The following GARIN1A variants were observed in gnomAD, a reference collection of about 807,000 sequenced individuals.
GARIN1A encodes golgi associated RAB2 interactor 1A, also known as Golgi-associated RAB2 interactor protein 1A.
At chr7:128,692,124 C>T in the GARIN1A span, among the ~76,000 whole-genome samples, 10 of 152,150 alleles carry the variant, frequency 6.6e-5, no homozygotes, top group Non-Finnish European at 1.5e-5. Context: ...CCAATAAATT[C>T]CCTTCGGCTT....
At chr7:128,676,772 T>G in the GARIN1A span, among the ~76,000 whole-genome samples, 3 of 151,910 alleles carry the variant, frequency 2.0e-5, no homozygotes, top group African/African-American at 4.8e-5. Context: ...TCCTAGAAAC[T>G]GAGTCAGGAA....
chr7:128,699,259 T>TC, the GARIN1A span, among the ~76,000 whole-genome samples: 2 of 37,114 alleles, frequency 5.4e-5, no homozygotes, highest in Admixed American at 2.2e-4. Flanking sequence ...CCATACCTGC[T>TC]GCCCCCCCCC....
chr7:128,683,254 A>C, the GARIN1A span: 1 of 948,856 alleles, frequency 1.1e-6, no homozygotes, highest in South Asian at 2.0e-5. Flanking sequence ...ACCTTGGGAG[A>C]GGTAAGATGG....
At chr7:128,686,876 A>G in the GARIN1A span, 2 of 127,720 alleles carry the variant, frequency 1.6e-5, no homozygotes, top group African/African-American at 5.4e-5. Flanking sequence ...ATTCCATCTC[A>G]AAAAAAAAAA....
At chr7:128,677,877 C>T in the GARIN1A span, 11 of 1,364,278 alleles carry the variant, frequency 8.1e-6, no homozygotes, top group Non-Finnish European at 5.0e-6. Flanking sequence ...ATGTAAGTGT[C>T]TGTGTATATA....
At chr7:128,708,006 T>G in the GARIN1A span, among the ~76,000 whole-genome samples, 1 of 150,004 alleles carries the variant, frequency 6.7e-6, no homozygotes, top group Non-Finnish European at 1.5e-5. Context: ...TTTCTCTCCT[T>G]CTTTTCTTTT....
chr7:128,708,233 C>G, the GARIN1A span, among the ~76,000 whole-genome samples: 1 of 150,732 alleles, frequency 6.6e-6, no homozygotes, highest in Non-Finnish European at 1.5e-5. Context: ...CACTATGTTG[C>G]CCAGGCTGAT....
At chr7:128,698,788 T>TG in the GARIN1A span, among the ~76,000 whole-genome samples, 2 of 152,114 alleles carry the variant, frequency 1.3e-5, no homozygotes, top group African/African-American at 4.8e-5. Flanking sequence ...TTTGCTGTGT[T>TG]GGGGGGCAGG....
At chr7:128,690,874 A>G in the GARIN1A span, 1 of 152,336 alleles carries the variant, frequency 6.6e-6, no homozygotes, top group East Asian at 1.9e-4. Flanking sequence ...TTACTGGAGC[A>G]GGAGAGAGGA....
At chr7:128,693,898 G>A in the GARIN1A span, 17 of 154,944 alleles carry the variant, frequency 1.1e-4, no homozygotes, top group Middle Eastern at 3.1e-3. Context: ...ATCATACAAC[G>A]GGGAGTGCAA....
chr7:128,681,851 C>A, the GARIN1A span, among the ~76,000 whole-genome samples: 1 of 151,020 alleles, frequency 6.6e-6, no homozygotes, highest in Non-Finnish European at 1.5e-5. Flanking sequence ...CCCTCAACTG[C>A]AACACCTCCC....
the GARIN1A span, among the ~76,000 whole-genome samples, chr7:128,676,569 C>G: frequency 6.6e-6 from 1 of 151,030 alleles, no homozygotes; most frequent in Non-Finnish European, 1.5e-5. Context: ...TTGACAAGTC[C>G]CTAATATTAG....
the GARIN1A span, among the ~76,000 whole-genome samples, chr7:128,699,260 G>GCCCCCCCCC: frequency 1.9e-5 from 2 of 105,018 alleles, no homozygotes. Context: ...CATACCTGCT[G>GCCCCCCCCC]CCCCCCCCCC....
the GARIN1A span, chr7:128,683,075 C>T: frequency 6.2e-7 from 1 of 1,612,134 alleles, no homozygotes; most frequent in South Asian, 1.1e-5. Context: ...TGAGCCACAG[C>T]CTCTGGGAAC....
the GARIN1A span, among the ~76,000 whole-genome samples, chr7:128,705,959 A>G: frequency 6.6e-6 from 1 of 152,024 alleles, no homozygotes; most frequent in Non-Finnish European, 1.5e-5. Flanking sequence ...CCTGCCAAAT[A>G]GTGATTTTCT....
chr7:128,709,022 G>A, the GARIN1A span: 17 of 152,162 alleles, frequency 1.1e-4, no homozygotes, highest in African/African-American at 3.9e-4. Context: ...GCCATTTTCA[G>A]GTCATAGCCT....
At chr7:128,695,318 G>C in the GARIN1A span, among the ~76,000 whole-genome samples, 1 of 152,118 alleles carries the variant, frequency 6.6e-6, no homozygotes, top group Non-Finnish European at 1.5e-5. This position sits in a 1 kb window ranked among gnomAD's most constrained non-coding sequence, Gnocchi z 4.5. Flanking sequence ...GGAAATCAAG[G>C]AGGACTGGGT....
the GARIN1A span, among the ~76,000 whole-genome samples, chr7:128,678,816 G>A: frequency 5.9e-3 from 480 of 81,092 alleles, 10 homozygotes; most frequent in East Asian, 6.6e-3. Context: ...AAAAAAAAAA[G>A]ATTAGTATGT....
At chr7:128,697,256 G>A in the GARIN1A span, among the ~76,000 whole-genome samples, 1 of 152,148 alleles carries the variant, frequency 6.6e-6, no homozygotes, top group Admixed American at 6.5e-5. Flanking sequence ...CTCCCTACAG[G>A]TCTCCCCAGA....
Sources: allele counts gnomAD v4.1 joint callset (sites outside exome capture counted in the v4.1 genomes callset), GRCh38; gene constraint gnomAD v4.1.1; non-coding constraint Gnocchi (gnomAD v3.1); transcripts MANE v1.5; gene names NCBI Gene and HGNC (gene_info 2026-07-23, HGNC 2026-07-21).